VPS13B: variants seen among roughly 807,000 people sequenced by gnomAD.
VPS13B encodes intermembrane lipid transfer protein VPS13B.
VPS13B carries 285 observed loss-of-function variants against 426.4 expected under a neutral mutation model. That is an observed-to-expected ratio of 0.67 (90% CI 0.61 to 0.74). The LOEUF is 0.74. VPS13B is among the 30% of genes least tolerant of loss of function. The pLI, the probability that VPS13B is intolerant of heterozygous loss-of-function variation, is 0.00. For synonymous variants in VPS13B, 1,676 were observed against 1,676.4 expected, an observed-to-expected ratio of 1.00 and a Z score of 0.01; for missense variants, 4,537 against 4,782.6, an observed-to-expected ratio of 0.95 and a Z score of 1.51.
chr8:99,872,010 T>G (rs1474963496), intron 61 of VPS13B, among the ~76,000 whole-genome samples: 1 of 152,160 alleles, frequency 6.6e-6, no homozygotes, highest in Non-Finnish European at 1.5e-5. Context: ...GTCATGGGGC[T>G]GGGGTGCTCG....
At position 99,431,538 on chromosome 8, in the gene VPS13B, A is replaced by G. The variant is rs150505597; in HGVS notation, c.3084A>G (p.Glu1028=). 6 of 1,613,220 alleles carry G rather than the reference A, an allele frequency of 3.7e-6. No individual in the cohort carries two copies. Among genetic ancestry groups the G allele is most frequent in the African/African-American group, 1.3e-5 (1 of 74,924 alleles). The part of the protein sequence containing the change: ...SSPVKTKTVT[E]SRPLSVPVKA... ...ATAATTAGCTATTCTCGTACTCAGA[A>G]TCCCGCCCATTGTCAGTTCCTGTTA... is the stretch of plus-strand genomic sequence containing the variant. The change falls in exon 22 of 62, where the codon GAA becomes GAG. Residue 1028 remains glutamate, a splice_region_variant and synonymous_variant. Transcript: ENST00000357162.
At chr8:99,664,470 C>A (rs1830380382) in intron 35 of VPS13B, among the ~76,000 whole-genome samples, 1 of 151,784 alleles carries the variant, frequency 6.6e-6, no homozygotes, top group African/African-American at 2.4e-5. Flanking sequence ...CTCCCCCTGA[C>A]CCCCACCCCA....
rs772082436 is a variant in VPS13B at position 99,274,308 on chromosome 8, A to G, written c.2626A>G (p.Ile876Val). ...VKCASGTMGS[I>V]KICAKAPVDS... ...ATGTGCCTCTGGGACCATGGGATCA[A>G]TAAAAATTTGTGCCAAAGCCCCAGG... Residue 876 changes from isoleucine to valine, a missense_variant, in exon 18 of 62, where the codon ATA (isoleucine) becomes GTA (valine). This residue lies in a region of VPS13B where 4,311 missense variants were observed against 4,474.3 expected (regional missense o/e 0.96). Transcript: ENST00000357162. The G allele has an allele frequency of 1.2e-6, 2 of 1,614,026 alleles. No individual in the cohort carries two copies. Among genetic ancestry groups the G allele is most frequent in the Non-Finnish European group, 1.7e-6 (2 of 1,180,022 alleles).
intron 39 of VPS13B, among the ~76,000 whole-genome samples, chr8:99,732,590 C>T (rs954031792): frequency 6.6e-6 from 1 of 152,192 alleles, no homozygotes; most frequent in Admixed American, 6.5e-5. Flanking sequence ...GGCATCACAG[C>T]CATAACACCA....
intron 39 of VPS13B, among the ~76,000 whole-genome samples, chr8:99,761,423 G>T (rs971437506): frequency 6.6e-6 from 1 of 152,088 alleles, no homozygotes; most frequent in African/African-American, 2.4e-5. Flanking sequence ...CACATTCATT[G>T]CCCCTAGGCT....
At chr8:99,556,375 G>A in intron 30 of VPS13B, 75 bp from the exon 31 acceptor site, 1 of 1,484,026 alleles carries the variant, frequency 6.7e-7, no homozygotes, top group Non-Finnish European at 9.2e-7. Flanking sequence ...CTATGTTAGT[G>A]AACAAAATAA....
chr8:99,019,962 C>A (rs1309672378), intron 2 of VPS13B, among the ~76,000 whole-genome samples: 3 of 152,156 alleles, frequency 2.0e-5, no homozygotes, highest in Non-Finnish European at 1.5e-5. Flanking sequence ...ATACCTGAGA[C>A]TGTGCTTTTA....
chr8:99,872,811 G>A (rs901286262), intron 61 of VPS13B, among the ~76,000 whole-genome samples: 21 of 151,328 alleles, frequency 1.4e-4, no homozygotes, highest in Non-Finnish European at 2.8e-4. Context: ...CTGGGATGGG[G>A]GCGTGTATCT....
intron 30 of VPS13B, among the ~76,000 whole-genome samples, chr8:99,537,078 T>C (rs1256834165): frequency 6.6e-6 from 1 of 152,210 alleles, no homozygotes; most frequent in Admixed American, 6.5e-5. Context: ...GATTTTTTAA[T>C]CCTTTTTTTC....
intron 33 of VPS13B, among the ~76,000 whole-genome samples, chr8:99,621,290 C>T (rs906156272): frequency 1.3e-5 from 2 of 152,166 alleles, no homozygotes; most frequent in Admixed American, 6.5e-5. Context: ...ATTCCCTTCT[C>T]TTCTCCATAA....
chr8:99,052,781 T>A (rs1355165115), intron 3 of VPS13B, among the ~76,000 whole-genome samples: 1 of 152,224 alleles, frequency 6.6e-6, no homozygotes, highest in Non-Finnish European at 1.5e-5. Flanking sequence ...TGTCGAAGAA[T>A]TTATCCATTT....
At chr8:99,284,392 C>A (rs897188845) in intron 19 of VPS13B, among the ~76,000 whole-genome samples, 1 of 152,160 alleles carries the variant, frequency 6.6e-6, no homozygotes, top group South Asian at 2.1e-4. Context: ...AGAACTATAA[C>A]GATGCATCAA....
chr8:99,729,312 G>A (rs1247263411), intron 39 of VPS13B, among the ~76,000 whole-genome samples: 1 of 152,104 alleles, frequency 6.6e-6, no homozygotes, highest in Non-Finnish European at 1.5e-5. Flanking sequence ...ATTTTGCTGT[G>A]GTTTTTCCAG....
At chr8:99,652,746 G>A (rs1829873014) in intron 34 of VPS13B, among the ~76,000 whole-genome samples, 1 of 151,978 alleles carries the variant, frequency 6.6e-6, no homozygotes, top group Non-Finnish European at 1.5e-5. Context: ...TAATATCCCT[G>A]GAAAGGCTTA....
chr8:99,082,113 T>C (rs933133275), intron 3 of VPS13B, among the ~76,000 whole-genome samples: 2 of 152,208 alleles, frequency 1.3e-5, no homozygotes, highest in South Asian at 4.1e-4. Context: ...CCACATCCTC[T>C]CCAGCACCTG....
Position 99,341,174 on chromosome 8 carries a change from T to C in VPS13B, c.2825-43034T>C, listed in dbSNP as rs145185868. ...CTTCATGTTGGTGTGCCGCATAGTG[T>C]GGTGGTGGCAAGGCCTCTCACTGGC... On this transcript the variant is annotated intron_variant, in intron 19 of 61. Coordinates refer to ENST00000357162, the MANE Select transcript of VPS13B (RefSeq NM_152564.5). 454 of 237,086 alleles carry C rather than the reference T, an allele frequency of 1.9e-3. 3 individuals carry two copies. The highest frequency in any genetic ancestry group is 1.0e-2 in the African/African-American group (433 of 43,366). 14.7% of individuals were successfully genotyped at this position (237,086 alleles called of 1,614,324 possible).
rs535904059 is a variant in VPS13B, at chr8:99,833,184, C to T, written c.9614+532C>T. Among the ~76,000 whole-genome samples the T allele has an allele frequency of 5.9e-5, 9 of 152,280 alleles. No individual in the cohort carries two copies. In the South Asian group the frequency reaches 8.3e-4, roughly 14 times the overall value. On this transcript the variant is annotated intron_variant, in intron 52 of 61. Transcript: ENST00000357162. ...ACTCTGTTCTGTGGTCGTTCCTGCACGCAAGTTGCTCCAATTACCGATTAC... is the reference window on the plus strand; with the variant it reads ...ACTCTGTTCTGTGGTCGTTCCTGCATGCAAGTTGCTCCAATTACCGATTAC...
intron 19 of VPS13B, among the ~76,000 whole-genome samples, chr8:99,283,869 T>C (rs1819287832): frequency 6.6e-6 from 1 of 152,222 alleles, no homozygotes; most frequent in Admixed American, 6.5e-5. Flanking sequence ...ATTATGATAA[T>C]TGTAAGGACA....
At position 99,708,865 on chromosome 8, in the gene VPS13B, G is replaced by A. The variant is rs1415916020; in HGVS notation, c.6455-8306G>A. On this transcript the variant is annotated intron_variant, in intron 36 of 61. Coordinates refer to ENST00000357162, the MANE Select transcript of VPS13B (RefSeq NM_152564.5). Reference sequence around the variant, plus strand: ...TCTCTCTCTCTATATATATATATAGGCTCTCTCTTTTGCGCTCTCTATATA... The same window carrying A: ...TCTCTCTCTCTATATATATATATAGACTCTCTCTTTTGCGCTCTCTATATA... Among the ~76,000 whole-genome samples the A allele has an allele frequency of 2.3e-4, 32 of 139,658 alleles. No individual in the cohort carries two copies. The Admixed American group carries it at 2.4e-3, about 10-fold the overall frequency. 91.6% of individuals were successfully genotyped at this position (139,658 alleles called of 152,430 possible). A position where few individuals can be genotyped will look rare whatever the true frequency, so the allele number is the denominator to read the frequency against.
Sources: gnomAD v4.1 joint callset for allele counts (sites outside exome capture counted in the v4.1 genomes callset) on GRCh38, gnomAD v4.1.1 for gene constraint, gnomAD v4.1.1 regional missense constraint, MANE v1.5 for transcripts, NCBI Gene and HGNC (gene_info 2026-07-23, HGNC 2026-07-21) for gene names.